GTF2E1: variants seen among roughly 807,000 people sequenced by gnomAD.
GTF2E1 encodes general transcription factor IIE subunit 1.
A neutral mutation model predicts 34.9 loss-of-function variants in GTF2E1; 14 were observed. The ratio of observed to expected loss-of-function variants is 0.40; its 90% CI spans 0.27 to 0.63. The LOEUF (loss-of-function observed/expected upper bound fraction) is 0.63, where lower values mean the gene tolerates loss of function less well. Ranked by LOEUF, GTF2E1 falls within the 20% of genes least tolerant of loss-of-function variation. The probability of loss-of-function intolerance (pLI) is 0.39; values close to 1 mark genes in which losing one functional copy is unlikely to be tolerated. For synonymous variants in GTF2E1, 188 were observed against 192.9 expected (o/e 0.97, Z 0.21); for missense variants, 469 against 557.7 (o/e 0.84, Z 1.60).
rs768840584 is a variant in GTF2E1 at position 120,781,361 on chromosome 3, C to T, written c.1211C>T (p.Ser404Phe). 3 of 1,614,084 alleles carry T rather than the reference C, an allele frequency of 1.9e-6. No individual in the cohort carries two copies. The highest frequency in any genetic ancestry group is 2.5e-6 in the Non-Finnish European group (3 of 1,179,956). Residue 404 changes from serine to phenylalanine, a missense_variant, in exon 5 of 5, where the codon TCC (serine) becomes TTC (phenylalanine). Ser to Phe is a radical substitution (Grantham distance 155). Transcript: ENST00000283875. The part of the protein sequence containing the change: ...PIVMVAGRPF[S>F]YSEVSQRPEL... ...GTCATGGTGGCTGGCCGTCCGTTCT[C>T]CTACAGTGAAGTGAGCCAACGGCCA...
rs1283983491 is a variant in GTF2E1 at position 120,750,725 on chromosome 3, A to G, written c.173A>G (p.Gln58Arg). 3.1e-6 allele frequency: 5 copies of G among 1,614,034 alleles called. No individual in the cohort carries two copies. Among genetic ancestry groups the G allele is most frequent in the Non-Finnish European group, 4.2e-6 (5 of 1,179,916 alleles). ...MLELLKFDRK[Q>R]LRSVLNNLKG... ...GAGCTGCTCAAGTTTGATCGGAAGC[A>G]ACTTCGATCAGTTTTGAATAATTTA... Residue 58 changes from glutamine to arginine, a missense_variant, in exon 2 of 5, where the codon CAA becomes CGA. Physicochemically the swap from Gln to Arg is conservative, Grantham distance 43. Transcript: ENST00000283875.
At position 120,750,524 on chromosome 3, in the gene GTF2E1, A is replaced by G; in HGVS notation, c.-29A>G. The G allele has an allele frequency of 6.4e-7, 1 of 1,553,604 alleles. No individual in the cohort carries two copies. Among genetic ancestry groups the G allele is most frequent in the Non-Finnish European group, 8.8e-7 (1 of 1,133,568 alleles). On this transcript the variant is annotated splice_region_variant and 5_prime_UTR_variant, in exon 2 of 5. Coordinates refer to ENST00000283875, the MANE Select transcript of GTF2E1 (RefSeq NM_005513.3). ...TTTTCTGTTTTTTTTTGAATTCAGT[A>G]TATTTAAAGTTGGAGTTCGTTGCTA... is the stretch of plus-strand genomic sequence containing the variant.
chr3:120,746,596 C>T (rs866505257), intron 1 of GTF2E1, among the ~76,000 whole-genome samples: 5 of 151,990 alleles, frequency 3.3e-5, no homozygotes, highest in East Asian at 1.9e-4. Context: ...CCCAGAAGTT[C>T]GAGACCAGCC....
chr3:120,771,856 A>G (rs1298119359), intron 3 of GTF2E1, among the ~76,000 whole-genome samples: 1 of 152,214 alleles, frequency 6.6e-6, no homozygotes, highest in Admixed American at 6.5e-5. Context: ...TTTGCCTGTG[A>G]TAACAGAATA....
In GTF2E1 at chr3:120,742,990, C is replaced by A. The variant is rs934882493; in HGVS notation, c.-31+196C>A. 1.9e-4 allele frequency: 34 copies of A among 183,224 alleles called. No homozygotes were observed. The Admixed American group carries it at 1.9e-3, about 10-fold the overall frequency. 11.3% of individuals were successfully genotyped at this position (183,224 alleles called of 1,614,324 possible). The stretch of plus-strand genomic sequence containing the variant: ...ACCTCGGGTAGGGCGGGCTTGGCTG[C>A]GCCGAGTGTGGCCCTGGACCCAACT... On this transcript the variant is annotated intron_variant, in intron 1 of 4. Transcript: ENST00000283875.
At chr3:120,747,106 G>C (rs1709112837) in intron 1 of GTF2E1, among the ~76,000 whole-genome samples, 1 of 150,492 alleles carries the variant, frequency 6.6e-6, no homozygotes, top group Admixed American at 6.6e-5. Flanking sequence ...TTGTTTTTTT[G>C]TTTTGTTTTT....
At chr3:120,758,193 G>C (rs1709226510) in intron 2 of GTF2E1, among the ~76,000 whole-genome samples, 1 of 152,014 alleles carries the variant, frequency 6.6e-6, no homozygotes, top group Non-Finnish European at 1.5e-5. Context: ...TGAAAACTTG[G>C]TAAAGACACA....
rs188105245 is a variant in GTF2E1, at chr3:120,762,126, A to G, written c.449-8602A>G. Among the ~76,000 whole-genome samples the G allele has an allele frequency of 4.6e-5, 7 of 152,282 alleles. No homozygotes were observed. In the East Asian group the frequency reaches 1.4e-3, roughly 29 times the overall value. On this transcript the variant is annotated intron_variant, in intron 2 of 4. Transcript: ENST00000283875. ...TTTTACATTTGTTGCAGAGTATTTT[A>G]CTACCAATTATGTGGTCAATTTTAG...
chr3:120,747,617 A>T (rs534049922), intron 1 of GTF2E1, among the ~76,000 whole-genome samples: 1 of 152,312 alleles, frequency 6.6e-6, no homozygotes, highest in South Asian at 2.1e-4. Flanking sequence ...CATGGTGTAT[A>T]TGTGCCACAT....
chr3:120,766,435 G>A (rs1297459834), intron 2 of GTF2E1, among the ~76,000 whole-genome samples: 1 of 151,976 alleles, frequency 6.6e-6, no homozygotes, highest in African/African-American at 2.4e-5. Context: ...ACCAATTTAT[G>A]GTCACCCCAG....
chr3:120,776,743 G>A, intron 4 of GTF2E1, 79 bp downstream of exon 4: 1 of 1,270,516 alleles, frequency 7.9e-7, no homozygotes, highest in Non-Finnish European at 1.1e-6. Flanking sequence ...AACTGCCTGG[G>A]CAATTCTGGA....
In GTF2E1 at chr3:120,773,684, C is replaced by T. The variant is rs542503913; in HGVS notation, c.651-2739C>T. Among the ~76,000 whole-genome samples the T allele has an allele frequency of 1.8e-4, 27 of 152,118 alleles. No homozygotes were observed. The East Asian group carries it at 3.3e-3, about 18-fold the overall frequency. On this transcript the variant is annotated intron_variant, in intron 3 of 4. Coordinates refer to ENST00000283875, the MANE Select transcript of GTF2E1 (RefSeq NM_005513.3). Reference sequence around the variant, plus strand: ...AAATTTAGTTTTGAAATAATATTCCCCTCTCATCTCTGAGTAAGAGTTGTA... The same window carrying T: ...AAATTTAGTTTTGAAATAATATTCCTCTCTCATCTCTGAGTAAGAGTTGTA...
intron 1 of GTF2E1, among the ~76,000 whole-genome samples, chr3:120,746,865 C>T (rs1709110650): frequency 6.6e-6 from 1 of 152,178 alleles, no homozygotes; most frequent in Non-Finnish European, 1.5e-5. Context: ...TGTGGATAGT[C>T]TAGCCATTTT....
intron 3 of GTF2E1, among the ~76,000 whole-genome samples, chr3:120,771,512 G>A (rs1709351574): frequency 6.6e-6 from 1 of 152,056 alleles, no homozygotes; most frequent in African/African-American, 2.4e-5. Context: ...ATTCTTTCTT[G>A]AAAAGCATAA....
At position 120,781,510 on chromosome 3, in the gene GTF2E1, C is replaced by T. The variant is rs1559836298; in HGVS notation, c.*40C>T. ...TTTCTCCTTTCTCTAATGCTCAGTT[C>T]AAAAAGGAATGTCTCATCTTTGAAG... On this transcript the variant is annotated 3_prime_UTR_variant, in exon 5 of 5. Coordinates refer to ENST00000283875, the MANE Select transcript of GTF2E1 (RefSeq NM_005513.3). 1 of 1,482,850 alleles carries T rather than the reference C, an allele frequency of 6.7e-7. No individual in the cohort carries two copies. The highest frequency in any genetic ancestry group is 2.3e-5 in the East Asian group (1 of 43,916). The allele number at this position is 1,482,850 out of a possible 1,614,324, so 91.9% of individuals were successfully genotyped here.
At chr3:120,766,673 T>G (rs556562665) in intron 2 of GTF2E1, among the ~76,000 whole-genome samples, 3 of 152,256 alleles carry the variant, frequency 2.0e-5, no homozygotes, top group African/African-American at 7.2e-5. Context: ...CAGCTAGAAG[T>G]CACATTCCTT....
Position 120,781,339 on chromosome 3 carries a change from A to T in GTF2E1, c.1189A>T (p.Met397Leu), listed in dbSNP as rs368841906. 3 of 1,614,190 alleles carry T rather than the reference A, an allele frequency of 1.9e-6. No homozygotes were observed. The highest frequency in any genetic ancestry group is 2.7e-5 in the African/African-American group (2 of 75,062). ...AGAAGTAGCAGATGACCCCATTGTC[A>T]TGGTGGCTGGCCGTCCGTTCTCCTA... ...FEEVADDPIV[M>L]VAGRPFSYSE... Residue 397 changes from methionine (M) to leucine (L), a missense_variant, in exon 5 of 5, where the codon ATG (methionine) becomes TTG (leucine). Coordinates refer to ENST00000283875, the MANE Select transcript of GTF2E1 (RefSeq NM_005513.3).
At chr3:120,743,561 G>A (rs1330901638) in intron 1 of GTF2E1, among the ~76,000 whole-genome samples, 1 of 152,186 alleles carries the variant, frequency 6.6e-6, no homozygotes, top group Non-Finnish European at 1.5e-5. Context: ...TGGTCTTAGA[G>A]ATAGACATGG....
At chr3:120,777,203 G>C (rs927968797) in intron 4 of GTF2E1, among the ~76,000 whole-genome samples, 1 of 152,140 alleles carries the variant, frequency 6.6e-6, no homozygotes. Context: ...AGGCATAAAG[G>C]GTTAAGAATT....
Sources: gnomAD v4.1 joint callset for allele counts (sites outside exome capture counted in the v4.1 genomes callset) on GRCh38, gnomAD v4.1.1 for gene constraint, MANE v1.5 for transcripts, NCBI Gene and HGNC (gene_info 2026-07-23, HGNC 2026-07-21) for gene names.